The following RNLS variants were observed in gnomAD, a reference collection of about 807,000 sequenced individuals.
RNLS encodes the protein renalase.
In RNLS, 39 loss-of-function variants were observed where a neutral mutation model predicts 39.8. The observed-to-expected ratio is 0.98, with a 90% CI of 0.76 to 1.28. The LOEUF is 1.28. Ranked by LOEUF, RNLS falls within the 50% of genes most tolerant of loss-of-function variation. The pLI, the probability that RNLS is intolerant of heterozygous loss-of-function variation, is 0.00. For missense variants in RNLS, 410 were observed against 413.3 expected, an observed-to-expected ratio of 0.99 and a Z score of 0.07; for synonymous variants, 147 against 150.7, an observed-to-expected ratio of 0.98 and a Z score of 0.18.
At chr10:88,214,379 C>G in the RNLS span, among the ~76,000 whole-genome samples, 6 of 151,686 alleles carry the variant, frequency 4.0e-5, no homozygotes, top group African/African-American at 1.2e-4. Flanking sequence ...TTTCCTTTAC[C>G]AATATAAGAC....
chr10:88,534,186 A>G (rs1168163193), intron 4 of RNLS, among the ~76,000 whole-genome samples: 1 of 152,132 alleles, frequency 6.6e-6, no homozygotes, highest in Non-Finnish European at 1.5e-5. Context: ...AGAATGATTT[A>G]GCAAAGGACA....
intron 5 of RNLS, among the ~76,000 whole-genome samples, chr10:88,347,928 T>C (rs1293758675): frequency 1.3e-5 from 2 of 152,132 alleles, no homozygotes; most frequent in Non-Finnish European, 2.9e-5. Flanking sequence ...GAAAGAATAA[T>C]CCTATTAAAA....
At chr10:88,244,510 A>T in the RNLS span, among the ~76,000 whole-genome samples, 1 of 152,164 alleles carries the variant, frequency 6.6e-6, no homozygotes, top group African/African-American at 2.4e-5. Flanking sequence ...TTGTTTTTGG[A>T]CTGCTTTGCT....
the RNLS span, among the ~76,000 whole-genome samples, chr10:88,224,732 T>C: frequency 6.6e-6 from 1 of 152,238 alleles, no homozygotes; most frequent in Non-Finnish European, 1.5e-5. Flanking sequence ...TAGGGATCTC[T>C]TTATTCCCTC....
chr10:88,461,290 T>C (rs978258539), intron 4 of RNLS, among the ~76,000 whole-genome samples: 2 of 152,108 alleles, frequency 1.3e-5, no homozygotes, highest in African/African-American at 2.4e-5. Flanking sequence ...TGGGTGTTTT[T>C]GGTTGGGCTC....
chr10:88,396,879 AGAGAC>A (rs1852595201), intron 4 of RNLS, among the ~76,000 whole-genome samples: 1 of 151,932 alleles, frequency 6.6e-6, no homozygotes, highest in Non-Finnish European at 1.5e-5. Context: ...ATCCCTTACT[AGAGAC>A]AAGATTATTT....
chr10:88,356,203 C>T (rs893332333), intron 5 of RNLS, among the ~76,000 whole-genome samples: 3 of 152,174 alleles, frequency 2.0e-5, no homozygotes, highest in Admixed American at 6.5e-5. Flanking sequence ...GGCTCATGCT[C>T]GGTGTCCTGC....
chr10:88,576,348 A>C (rs1048846279), intron 3 of RNLS, among the ~76,000 whole-genome samples: 2 of 152,214 alleles, frequency 1.3e-5, no homozygotes, highest in African/African-American at 4.8e-5. Context: ...AAGATATCAG[A>C]AGTCTAAGAA....
intron 5 of RNLS, among the ~76,000 whole-genome samples, chr10:88,322,010 G>A (rs1846219540): frequency 6.6e-6 from 1 of 152,020 alleles, no homozygotes; most frequent in Admixed American, 6.6e-5. Flanking sequence ...GAAAACTATA[G>A]GCCAATATCC....
intron 5 of RNLS, among the ~76,000 whole-genome samples, chr10:88,340,833 G>A (rs1384327754): frequency 7.2e-5 from 11 of 151,892 alleles, no homozygotes; most frequent in African/African-American, 9.7e-5. Context: ...AGGCCGAGGC[G>A]GGCAGATCAC....
chr10:88,406,495 T>G lies in RNLS; in HGVS notation c.527-43770A>C, dbSNP rs1325210568. ...TGTCTTTGAGTTCTGAATTTCTTTCTTCTACTTGTTCAATGCTATTGCTGA... is the reference window on the plus strand; with the variant it reads ...TGTCTTTGAGTTCTGAATTTCTTTCGTCTACTTGTTCAATGCTATTGCTGA... On this transcript the variant is annotated intron_variant, in intron 4 of 6. Coordinates refer to ENST00000331772, the MANE Select transcript of RNLS (RefSeq NM_001031709.3). Among the ~76,000 whole-genome samples the G allele has an allele frequency of 3.9e-5, 6 of 152,212 alleles. No homozygotes were observed. In the East Asian group the frequency reaches 9.7e-4, roughly 25 times the overall value.
chr10:88,437,012 A>C (rs558486222), intron 4 of RNLS, among the ~76,000 whole-genome samples: 3 of 152,262 alleles, frequency 2.0e-5, no homozygotes, highest in Non-Finnish European at 2.9e-5. Flanking sequence ...AATAGAGGTG[A>C]TGCTTACAGC....
the RNLS span, among the ~76,000 whole-genome samples, chr10:88,218,077 C>T: frequency 6.6e-6 from 1 of 152,032 alleles, no homozygotes; most frequent in African/African-American, 2.4e-5. Context: ...TAAAAGACTC[C>T]CGATTTTCTG....
chr10:88,445,033 G>C (rs4520503), intron 4 of RNLS, among the ~76,000 whole-genome samples: 26,758 of 152,034 alleles, frequency 0.18, 2,590 homozygotes, highest in Middle Eastern at 0.29. Flanking sequence ...CACCAAAGTT[G>C]AAATGACCGA....
At chr10:88,434,212 A>G (rs1403502069) in intron 4 of RNLS, among the ~76,000 whole-genome samples, 2 of 152,334 alleles carry the variant, frequency 1.3e-5, no homozygotes, top group African/African-American at 4.8e-5. Flanking sequence ...TGCATGAAAC[A>G]TCAATGCACT....
At chr10:88,484,277 A>C (rs190949949) in intron 4 of RNLS, among the ~76,000 whole-genome samples, 1 of 152,152 alleles carries the variant, frequency 6.6e-6, no homozygotes, top group Non-Finnish European at 1.5e-5. Context: ...ATAATGACAA[A>C]TTCTTCAAAA....
At chr10:88,261,593 T>C in the RNLS span, among the ~76,000 whole-genome samples, 8 of 152,200 alleles carry the variant, frequency 5.3e-5, no homozygotes, top group African/African-American at 1.9e-4. Context: ...AAGCAAGTCA[T>C]GTGGCCACCC....
intron 4 of RNLS, among the ~76,000 whole-genome samples, chr10:88,470,179 CTTTTA>C (rs1843438300): frequency 6.6e-6 from 1 of 151,186 alleles, no homozygotes; most frequent in African/African-American, 2.4e-5. Flanking sequence ...TTTTTTTAAG[CTTTTA>C]TTTTAAGTTC....
At chr10:88,230,495 C>A in the RNLS span, among the ~76,000 whole-genome samples, 1 of 151,442 alleles carries the variant, frequency 6.6e-6, no homozygotes, top group Non-Finnish European at 1.5e-5. Context: ...GTCTTTCTGT[C>A]GTGCCTTCTT....
Sources: allele counts gnomAD v4.1 joint callset (sites outside exome capture counted in the v4.1 genomes callset), GRCh38; gene constraint gnomAD v4.1.1; transcripts MANE v1.5; gene names NCBI Gene and HGNC (gene_info 2026-07-23, HGNC 2026-07-21).